The following CFAP300 variants were observed in gnomAD, a reference collection of about 807,000 sequenced individuals.
CFAP300 encodes the protein cilia- and flagella-associated protein 300.
Under a neutral mutation model 33.0 loss-of-function variants are expected in CFAP300, and 32 were observed. That is an observed-to-expected ratio of 0.97 (90% CI 0.73 to 1.30). The LOEUF (loss-of-function observed/expected upper bound fraction) is 1.30. Among genes scored for constraint, CFAP300 ranks in the 50% most tolerant of loss-of-function variants. The pLI is 0.00. For synonymous variants in CFAP300, 102 were observed against 106.8 expected, an observed-to-expected ratio of 0.95 and a Z score of 0.28; for missense variants, 356 against 318.1, an observed-to-expected ratio of 1.12 and a Z score of -0.90.
chr11:102,054,143 T>C (rs571123597), intron 2 of CFAP300, among the ~76,000 whole-genome samples: 20 of 152,298 alleles, frequency 1.3e-4, no homozygotes, highest in African/African-American at 4.6e-4. Flanking sequence ...TTGTTAAACA[T>C]TTACCAGTAT....
At chr11:102,053,759 C>T (rs7943720) in intron 2 of CFAP300, among the ~76,000 whole-genome samples, 65,156 of 152,032 alleles carry the variant, frequency 0.43, 14,194 homozygotes, top group East Asian at 0.67. Context: ...TTTGCCACTG[C>T]CCTTAGATCA....
In CFAP300 at chr11:102,065,490, G is replaced by T. The variant is rs550909365; in HGVS notation, c.269-995G>T. Among the ~76,000 whole-genome samples the T allele has an allele frequency of 2.1e-3, 324 of 152,188 alleles. 2 individuals carry two copies. Among genetic ancestry groups the T allele is most frequent in the African/African-American group, 7.4e-3 (306 of 41,546 alleles). On this transcript the variant is annotated intron_variant, in intron 3 of 6. Coordinates refer to ENST00000434758, the MANE Select transcript of CFAP300 (RefSeq NM_032930.3). ...TCATCAATTAAAATTTTTGTGGCCA[G>T]GCGCGGTTGCTCATGCCTGCAATTC...
In CFAP300 at chr11:102,047,594, G is replaced by A. The variant is rs1178089326; in HGVS notation, c.110+14G>A. The A allele has an allele frequency of 3.9e-6, 6 of 1,534,538 alleles. No individual in the cohort carries two copies. Among genetic ancestry groups the A allele is most frequent in the Non-Finnish European group, 5.2e-6 (6 of 1,145,424 alleles). On this transcript the variant is annotated intron_variant, in intron 1 of 6. Transcript: ENST00000434758. ...GCTCCGCCAGTGGTGAGGAACCGAG[G>A]CACAGGGAGAGAAGAGGCCCTTGGT...
At chr11:102,055,068 C>G (rs542239928) in intron 2 of CFAP300, among the ~76,000 whole-genome samples, 1 of 151,484 alleles carries the variant, frequency 6.6e-6, no homozygotes, top group African/African-American at 2.4e-5. Flanking sequence ...GCAACCTCTG[C>G]CTCCGGGATT....
intron 2 of CFAP300, among the ~76,000 whole-genome samples, chr11:102,054,078 A>G (rs534389887): frequency 6.6e-5 from 10 of 152,310 alleles, no homozygotes; most frequent in Admixed American, 2.0e-4. Context: ...GAAATCCACC[A>G]TGGAAACAGG....
intron 4 of CFAP300, among the ~76,000 whole-genome samples, chr11:102,070,665 T>C (rs1318830288): frequency 2.0e-5 from 3 of 152,164 alleles, no homozygotes; most frequent in Non-Finnish European, 1.5e-5. Flanking sequence ...TAGTACTTTT[T>C]TGATGTAGGC....
At chr11:102,079,456 T>C (rs1340019827) in intron 5 of CFAP300, among the ~76,000 whole-genome samples, 1 of 152,194 alleles carries the variant, frequency 6.6e-6, no homozygotes, top group East Asian at 1.9e-4. Context: ...ATCAATTTAA[T>C]CCTGGGTTTA....
At chr11:102,077,725 C>A (rs1309941418) in intron 5 of CFAP300, among the ~76,000 whole-genome samples, 1 of 152,130 alleles carries the variant, frequency 6.6e-6, no homozygotes, top group African/African-American at 2.4e-5. Flanking sequence ...TAGGCACAAG[C>A]CACCATGCCT....
In CFAP300 at chr11:102,082,558, T is replaced by A. The variant is rs1307093142; in HGVS notation, c.676-513T>A. On this transcript the variant is annotated intron_variant, in intron 6 of 6. Transcript: ENST00000434758. ...GTATAGTACATATGTATTCCTATCATAGTAGACTGTGCTGTCCATAAATAT... is the reference window on the plus strand; with the variant it reads ...GTATAGTACATATGTATTCCTATCAAAGTAGACTGTGCTGTCCATAAATAT... Among the ~76,000 whole-genome samples the A allele has an allele frequency of 7.9e-5, 12 of 152,362 alleles. No homozygotes were observed. In the East Asian group the frequency reaches 2.3e-3, roughly 29 times the overall value.
chr11:102,081,700 G>A (rs1230607180), intron 6 of CFAP300, among the ~76,000 whole-genome samples: 1 of 151,982 alleles, frequency 6.6e-6, no homozygotes, highest in Non-Finnish European at 1.5e-5. Context: ...AGACCATCCT[G>A]GCTAACACTG....
chr11:102,066,350 A>T, intron 3 of CFAP300, 135 bp from the exon 4 acceptor site: 1 of 505,520 alleles, frequency 2.0e-6, no homozygotes, highest in Non-Finnish European at 3.3e-6. Flanking sequence ...ATAAACTAAT[A>T]TATATTTTAA....
At chr11:102,077,805 C>A (rs922882244) in intron 5 of CFAP300, among the ~76,000 whole-genome samples, 1 of 152,136 alleles carries the variant, frequency 6.6e-6, no homozygotes, top group Non-Finnish European at 1.5e-5. Context: ...AAACACCTGA[C>A]CTCGGGTGAT....
intron 2 of CFAP300, 146 bp downstream of exon 2, chr11:102,048,042 T>A (rs1941911371): frequency 1.4e-6 from 1 of 713,480 alleles, no homozygotes; most frequent in Non-Finnish European, 2.2e-6. Context: ...AAATGATTTT[T>A]TTAAAGGAAC....
intron 2 of CFAP300, among the ~76,000 whole-genome samples, chr11:102,055,438 C>A (rs1942038983): frequency 7.0e-6 from 1 of 143,122 alleles, no homozygotes; most frequent in African/African-American, 2.7e-5. Context: ...CTCACTGCAA[C>A]CTCCACTCCC....
chr11:102,060,023 G>C (rs897865863), intron 3 of CFAP300, among the ~76,000 whole-genome samples: 3 of 152,126 alleles, frequency 2.0e-5, no homozygotes, highest in Non-Finnish European at 4.4e-5. Flanking sequence ...CCAGACTGGA[G>C]TGCAGTGGTG....
intron 3 of CFAP300, among the ~76,000 whole-genome samples, chr11:102,059,620 C>G (rs1408677048): frequency 1.3e-5 from 2 of 151,810 alleles, no homozygotes; most frequent in East Asian, 3.9e-4. Context: ...CTGCCCTCCA[C>G]CCTGGGTGAG....
intron 4 of CFAP300, among the ~76,000 whole-genome samples, chr11:102,068,215 G>C (rs1942257325): frequency 6.6e-6 from 1 of 152,158 alleles, no homozygotes; most frequent in Non-Finnish European, 1.5e-5. Flanking sequence ...TTAATTAAGA[G>C]AGAAGGGAGA....
intron 4 of CFAP300, among the ~76,000 whole-genome samples, chr11:102,068,782 G>A (rs184822105): frequency 1.5e-4 from 23 of 152,260 alleles, no homozygotes; most frequent in East Asian, 3.9e-4. Flanking sequence ...GCAAGATTTC[G>A]TCTCAAAAGA....
At chr11:102,070,927 T>C (rs1409409067) in intron 4 of CFAP300, among the ~76,000 whole-genome samples, 4 of 152,236 alleles carry the variant, frequency 2.6e-5, no homozygotes, top group Non-Finnish European at 5.9e-5. Flanking sequence ...ATGTTTTCAA[T>C]TTTTTAAGTG....
Sources: allele counts gnomAD v4.1 joint callset (sites outside exome capture counted in the v4.1 genomes callset), GRCh38; gene constraint gnomAD v4.1.1; transcripts MANE v1.5; gene names NCBI Gene and HGNC (gene_info 2026-07-23, HGNC 2026-07-21).